SPICE1: variants seen among roughly 807,000 people sequenced by gnomAD.
SPICE1 encodes the protein spindle and centriole-associated protein 1.
SPICE1 carries 75 observed loss-of-function variants against 102.7 expected under a neutral mutation model. The ratio of observed to expected loss-of-function variants is 0.73; its 90% confidence interval spans 0.61 to 0.88. SPICE1 has a LOEUF of 0.88. SPICE1 is among the 40% of genes least tolerant of loss of function. The probability of loss-of-function intolerance (pLI) is 0.00; values close to 1 mark genes in which losing one functional copy is unlikely to be tolerated. For synonymous variants in SPICE1, 308 were observed against 350.3 expected, an observed-to-expected ratio of 0.88 and a Z score of 1.35; for missense variants, 979 against 1,020.1, an observed-to-expected ratio of 0.96 and a Z score of 0.55.
chr3:113,471,512 C>A (rs553396178), intron 7 of SPICE1, among the ~76,000 whole-genome samples: 5 of 152,108 alleles, frequency 3.3e-5, no homozygotes, highest in Non-Finnish European at 7.3e-5. Flanking sequence ...GATACCTTGA[C>A]GTTGGCCTAG....
At chr3:113,471,286 G>T (rs989895896) in intron 7 of SPICE1, among the ~76,000 whole-genome samples, 5 of 152,044 alleles carry the variant, frequency 3.3e-5, no homozygotes, top group Non-Finnish European at 7.4e-5. Context: ...GGCCCTAAAT[G>T]CAATCACATA....
At chr3:113,452,099 C>G (rs539500422) in intron 14 of SPICE1, among the ~76,000 whole-genome samples, 1 of 152,232 alleles carries the variant, frequency 6.6e-6, no homozygotes, top group Non-Finnish European at 1.5e-5. Context: ...TTTTATAAAC[C>G]CTCCCTAGCT....
chr3:113,470,095 T>C (rs187606345), intron 7 of SPICE1, among the ~76,000 whole-genome samples: 1 of 152,366 alleles, frequency 6.6e-6, no homozygotes, highest in East Asian at 1.9e-4. Flanking sequence ...ATAAGGTTGA[T>C]ATTTTAATTT....
At chr3:113,498,114 G>C (rs2107499903) in intron 4 of SPICE1, among the ~76,000 whole-genome samples, 1 of 152,224 alleles carries the variant, frequency 6.6e-6, no homozygotes, top group East Asian at 1.9e-4. Context: ...GACCTCAGGT[G>C]ATCTGCCCGC....
At chr3:113,514,848 G>T (rs1210183981) in intron 1 of SPICE1, 49 bp downstream of exon 1, 26 of 1,232,598 alleles carry the variant, frequency 2.1e-5, no homozygotes, top group Non-Finnish European at 2.6e-5. Context: ...TACTCGAGGT[G>T]CTCTGGCGCC....
In SPICE1 at chr3:113,451,978, C is replaced by A. The variant is rs549689260; in HGVS notation, c.2143-1462G>T. The stretch of plus-strand genomic sequence containing the variant: ...CACAGCCACCTCACGAGCTTCTAAT[C>A]CCCAGTGACAGTGCCCAGCTCCTCC... On this transcript the variant is annotated intron_variant, in intron 14 of 17. Transcript: ENST00000295872. 2.0e-4 allele frequency among the ~76,000 whole-genome samples: 31 copies of A among 152,276 alleles called. 1 individual carries two copies. Among genetic ancestry groups the A allele is most frequent in the Admixed American group, 1.7e-3 (26 of 15,300 alleles).
chr3:113,495,305 C>T lies in SPICE1; in HGVS notation c.292-1163G>A, dbSNP rs550778449. Among the ~76,000 whole-genome samples, 287 of 152,312 alleles carry T rather than the reference C, an allele frequency of 1.9e-3. 1 individual carries two copies. Among genetic ancestry groups the T allele is most frequent in the Middle Eastern group, 3.4e-3 (1 of 294 alleles). The stretch of plus-strand genomic sequence containing the variant: ...AAATATCTGATAACAAATACTCTTA[C>T]CAGAATTTCTCTATACTACAGAATC... On this transcript the variant is annotated intron_variant, in intron 4 of 17. Coordinates refer to ENST00000295872, the MANE Select transcript of SPICE1 (RefSeq NM_144718.4).
chr3:113,474,655 C>T (rs1226066775), intron 7 of SPICE1, among the ~76,000 whole-genome samples: 9 of 152,248 alleles, frequency 5.9e-5, no homozygotes, highest in Middle Eastern at 3.4e-3. Flanking sequence ...CGCTCAACTA[C>T]GTGGAAACTG....
chr3:113,472,567 G>A (rs1335494561), intron 7 of SPICE1, among the ~76,000 whole-genome samples: 4 of 152,248 alleles, frequency 2.6e-5, no homozygotes, highest in Middle Eastern at 3.4e-3. Flanking sequence ...TCACACGGCC[G>A]GGTATTCCTC....
chr3:113,457,021 T>A, intron 13 of SPICE1, 115 bp downstream of exon 13: 1 of 983,038 alleles, frequency 1.0e-6, no homozygotes, highest in Non-Finnish European at 1.5e-6. Context: ...TTAAAGGCTA[T>A]GTGTGGTAAT....
intron 1 of SPICE1, among the ~76,000 whole-genome samples, chr3:113,506,948 A>G (rs1937125171): frequency 6.6e-6 from 1 of 152,258 alleles, no homozygotes; most frequent in Non-Finnish European, 1.5e-5. Context: ...AGTAGAAAAT[A>G]GCCCAGTCAC....
intron 7 of SPICE1, among the ~76,000 whole-genome samples, chr3:113,479,794 A>G (rs1936448159): frequency 6.6e-6 from 1 of 152,226 alleles, no homozygotes; most frequent in South Asian, 2.1e-4. Flanking sequence ...CATGTTTATC[A>G]ATTAAAAATA....
At position 113,443,076 on chromosome 3, in the gene SPICE1, CAT is replaced by C. The variant is rs1358545425; in HGVS notation, c.*2229_*2230del. 6 of 152,164 alleles carry C rather than the reference CAT, an allele frequency of 3.9e-5. No homozygotes were observed. The highest frequency in any genetic ancestry group is 1.4e-4 in the African/African-American group (6 of 41,512). The allele number at this position is 152,164 out of a possible 1,614,324, so 9.4% of individuals were successfully genotyped here. On this transcript the variant is annotated 3_prime_UTR_variant, in exon 18 of 18. Transcript: ENST00000295872. Reference sequence around the variant, plus strand: ...TATACAATGTCTTAAAAATTGGAAACATGGGGGAAATAGTGTATTTATTTATT... The same window carrying C: ...TATACAATGTCTTAAAAATTGGAAACGGGGGAAATAGTGTATTTATTTATT...
chr3:113,446,877 G>A (rs1935528526), intron 16 of SPICE1, among the ~76,000 whole-genome samples: 2 of 152,120 alleles, frequency 1.3e-5, no homozygotes, highest in African/African-American at 2.4e-5. Flanking sequence ...GATATGGTTT[G>A]GCTGTGTCCC....
chr3:113,494,646 CAAA>C (rs35761157), intron 4 of SPICE1, among the ~76,000 whole-genome samples: 2 of 108,488 alleles, frequency 1.8e-5, no homozygotes, highest in Non-Finnish European at 1.9e-5. Flanking sequence ...GACTCCGTCT[CAAA>C]AAAAAAAAAA....
At chr3:113,457,676 TCA>T (rs1018130878) in intron 12 of SPICE1, among the ~76,000 whole-genome samples, 2 of 152,182 alleles carry the variant, frequency 1.3e-5, no homozygotes, top group Non-Finnish European at 2.9e-5. Context: ...TTCCTTTTTT[TCA>T]CACAGAGTCT....
At chr3:113,501,536 A>C (rs761574776) in intron 3 of SPICE1, among the ~76,000 whole-genome samples, 16 of 152,242 alleles carry the variant, frequency 1.1e-4, no homozygotes, top group Non-Finnish European at 2.2e-4. Context: ...TCAAATCCAG[A>C]ATACATACAT....
chr3:113,509,093 G>C (rs1275607112), intron 1 of SPICE1, among the ~76,000 whole-genome samples: 4 of 152,138 alleles, frequency 2.6e-5, no homozygotes, highest in Non-Finnish European at 4.4e-5. Flanking sequence ...GCATATAATG[G>C]AGAGTGACTG....
At chr3:113,503,052 G>C (rs1018952039) in intron 3 of SPICE1, 128 bp downstream of exon 3, 5 of 913,050 alleles carry the variant, frequency 5.5e-6, no homozygotes, top group Non-Finnish European at 8.3e-6. Flanking sequence ...ATTTTATATA[G>C]ACATAAACAA....
Sources: allele counts gnomAD v4.1 joint callset (sites outside exome capture counted in the v4.1 genomes callset), GRCh38; gene constraint gnomAD v4.1.1; transcripts MANE v1.5; gene names NCBI Gene and HGNC (gene_info 2026-07-23, HGNC 2026-07-21).